The following CDH9 variants were observed in gnomAD, a reference collection of about 807,000 sequenced individuals.
CDH9 encodes cadherin-9.
A neutral mutation model predicts 70.9 loss-of-function variants in CDH9; 28 were observed. The observed-to-expected ratio is 0.40, with a 90% CI of 0.29 to 0.54. The LOEUF (loss-of-function observed/expected upper bound fraction) is 0.54. Ranked by LOEUF, CDH9 falls within the 20% of genes least tolerant of loss-of-function variation. The pLI is 0.59. For missense variants in CDH9, 874 were observed against 984.4 expected, an observed-to-expected ratio of 0.89 and a Z score of 1.50; for synonymous variants, 409 against 343.1, an observed-to-expected ratio of 1.19 and a Z score of -2.12.
intron 7 of CDH9, among the ~76,000 whole-genome samples, chr5:26,896,290 C>G (rs1740749020): frequency 6.6e-6 from 1 of 151,608 alleles, no homozygotes; most frequent in Non-Finnish European, 1.5e-5. Flanking sequence ...GAAATTATAT[C>G]CTTGGGAAAT....
At chr5:27,032,556 A>T (rs1196209122) in intron 1 of CDH9, among the ~76,000 whole-genome samples, 1 of 151,696 alleles carries the variant, frequency 6.6e-6, no homozygotes. Context: ...CTCTTCCAAC[A>T]GTTGAACCTA....
intron 2 of CDH9, among the ~76,000 whole-genome samples, chr5:26,984,396 G>T (rs1742455183): frequency 6.6e-6 from 1 of 152,002 alleles, no homozygotes; most frequent in South Asian, 2.1e-4. Flanking sequence ...TTTATTCCTT[G>T]TGAAAAATAA....
chr5:26,920,882 C>T lies in CDH9; in HGVS notation c.229-4958G>A, dbSNP rs942451808. On this transcript the variant is annotated intron_variant, in intron 2 of 11. Transcript: ENST00000231021. ...TTCCTTCAAATACTTGAGACGCCTT[C>T]CCAAGAAGGACGAGTCAAACAAGCA... is the stretch of plus-strand genomic sequence containing the variant. 2.6e-5 allele frequency among the ~76,000 whole-genome samples: 4 copies of T among 152,240 alleles called. No homozygotes were observed. The South Asian group carries it at 6.2e-4, about 24-fold the overall frequency.
intron 1 of CDH9, among the ~76,000 whole-genome samples, chr5:27,023,926 C>A (rs1420554405): frequency 6.6e-6 from 1 of 151,736 alleles, no homozygotes; most frequent in African/African-American, 2.4e-5. Flanking sequence ...GTGGTGGGCA[C>A]CTGCAATTGC....
At chr5:26,908,171 C>T (rs1740982267) in intron 3 of CDH9, among the ~76,000 whole-genome samples, 1 of 152,066 alleles carries the variant, frequency 6.6e-6, no homozygotes, top group South Asian at 2.1e-4. Flanking sequence ...ATTGATGTGT[C>T]CTGTGAGTGA....
rs867641395 is a variant in CDH9, at chr5:26,976,256, C to G, written c.228+11850G>C. Among the ~76,000 whole-genome samples the G allele has an allele frequency of 2.6e-5, 4 of 152,174 alleles. No individual in the cohort carries two copies. The East Asian group carries it at 5.8e-4, about 22-fold the overall frequency. On this transcript the variant is annotated intron_variant, in intron 2 of 11. Transcript: ENST00000231021. Reference sequence around the variant, plus strand: ...TACCTTAACATAAACTCTATATGAACAGAAATAGTGATGAAACAGATTGGA... The same window carrying G: ...TACCTTAACATAAACTCTATATGAAGAGAAATAGTGATGAAACAGATTGGA...
intron 1 of CDH9, among the ~76,000 whole-genome samples, chr5:27,027,915 T>G (rs560604173): frequency 1.4e-4 from 22 of 152,090 alleles, no homozygotes; most frequent in Non-Finnish European, 2.9e-4. Context: ...CCATACATTT[T>G]TGGGGGGATA....
At chr5:26,992,970 C>T (rs779547177) in intron 1 of CDH9, among the ~76,000 whole-genome samples, 14 of 152,022 alleles carry the variant, frequency 9.2e-5, no homozygotes, top group Non-Finnish European at 1.8e-4. Flanking sequence ...GTGGCGCATG[C>T]CTGTAATCCC....
intron 1 of CDH9, among the ~76,000 whole-genome samples, chr5:27,036,926 A>G (rs2112141959): frequency 6.6e-6 from 1 of 152,114 alleles, no homozygotes; most frequent in East Asian, 1.9e-4. Flanking sequence ...GTGCTGTAAT[A>G]GCATGTTATT....
intron 2 of CDH9, among the ~76,000 whole-genome samples, chr5:26,979,805 AT>A (rs1742368734): frequency 6.6e-6 from 1 of 151,896 alleles, no homozygotes; most frequent in South Asian, 2.1e-4. Context: ...AAAGGTTGGT[AT>A]TCATAATGAT....
chr5:26,920,688 CA>C (rs1741228887), intron 2 of CDH9, among the ~76,000 whole-genome samples: 3 of 152,118 alleles, frequency 2.0e-5, no homozygotes, highest in Admixed American at 6.5e-5. Flanking sequence ...AGAAAGAAAG[CA>C]AGAGTCTTTG....
At chr5:26,991,216 G>A (rs886501189) in intron 1 of CDH9, among the ~76,000 whole-genome samples, 3 of 152,090 alleles carry the variant, frequency 2.0e-5, no homozygotes, top group South Asian at 2.1e-4. Flanking sequence ...ACACTGAAAC[G>A]CTGCTCAGAT....
intron 2 of CDH9, among the ~76,000 whole-genome samples, chr5:26,920,828 C>T (rs895344451): frequency 1.3e-5 from 2 of 152,130 alleles, no homozygotes; most frequent in African/African-American, 2.4e-5. Context: ...GCTTCAGTGA[C>T]AAAGACACCA....
intron 2 of CDH9, among the ~76,000 whole-genome samples, chr5:26,935,041 C>T: frequency 6.6e-6 from 1 of 151,594 alleles, no homozygotes; most frequent in Non-Finnish European, 1.5e-5. Context: ...TACAACATGA[C>T]CAATTGGGGG....
chr5:26,885,547 AC>A (rs1740549319), intron 11 of CDH9, 66 bp downstream of exon 11: 6 of 1,295,028 alleles, frequency 4.6e-6, no homozygotes, highest in African/African-American at 2.9e-5. Flanking sequence ...TATTCAGTGC[AC>A]CATGCTCAGA....
At chr5:26,919,832 C>T (rs1488510048) in intron 2 of CDH9, among the ~76,000 whole-genome samples, 1 of 152,080 alleles carries the variant, frequency 6.6e-6, no homozygotes, top group East Asian at 1.9e-4. Flanking sequence ...CCAATTCTGG[C>T]AGGACTCATC....
intron 11 of CDH9, among the ~76,000 whole-genome samples, chr5:26,883,682 T>A (rs573620503): frequency 6.6e-6 from 1 of 152,240 alleles, no homozygotes; most frequent in African/African-American, 2.4e-5. Flanking sequence ...TTGTGTTTTT[T>A]GTTTCATTTG....
At chr5:26,948,558 A>G (rs1052525532) in intron 2 of CDH9, among the ~76,000 whole-genome samples, 1 of 152,188 alleles carries the variant, frequency 6.6e-6, no homozygotes, top group South Asian at 2.1e-4. Flanking sequence ...TTTCCTGATC[A>G]TGTAACAGAT....
intron 1 of CDH9, among the ~76,000 whole-genome samples, chr5:27,000,739 C>A (rs1742753382): frequency 6.6e-6 from 1 of 152,122 alleles, no homozygotes; most frequent in African/African-American, 2.4e-5. Context: ...AATAGATAAA[C>A]AGATTGTGAT....
Sources: gnomAD v4.1 joint callset for allele counts (sites outside exome capture counted in the v4.1 genomes callset) on GRCh38, gnomAD v4.1.1 for gene constraint, MANE v1.5 for transcripts, NCBI Gene and HGNC (gene_info 2026-07-23, HGNC 2026-07-21) for gene names.